HOXD11: variants seen among roughly 807,000 people sequenced by gnomAD.
HOXD11 encodes homeobox D11.
HOXD11 carries 16 observed loss-of-function variants against 23.1 expected under a neutral mutation model. The observed-to-expected ratio is 0.69, with a 90% CI of 0.47 to 1.05. The LOEUF (loss-of-function observed/expected upper bound fraction) is 1.05. HOXD11 is among the 50% of genes least tolerant of loss of function. The probability of loss-of-function intolerance (pLI) is 0.00; values close to 1 mark genes in which losing one functional copy is unlikely to be tolerated. For missense variants in HOXD11, 564 were observed against 495.6 expected, an observed-to-expected ratio of 1.14 and a Z score of -1.31; for synonymous variants, 262 against 224.4, an observed-to-expected ratio of 1.17 and a Z score of -1.50.
At chr2:176,111,826 CAAAAAAAAA>C (rs1176283938), downstream of HOXD11, among the ~76,000 whole-genome samples, 2 of 22,740 alleles carry the variant, frequency 8.8e-5, no homozygotes, top group Admixed American at 7.1e-4. Flanking sequence ...CTCCCCCCCG[CAAAAAAAAA>C]AAAAAAAAAA....
Position 176,109,317 on chromosome 2 carries a change from AGGCCGGGACTT to A in HOXD11, c.*181_*191del, listed in dbSNP as rs1689642693. ...CAGCGACCACTGCAGCCTGCGGACG[AGGCCGGGACTT>A]GGCCGAGCGGATCCTAATAAGGGGA... On this transcript the variant is annotated 3_prime_UTR_variant, in exon 2 of 2. Coordinates refer to ENST00000249504, the MANE Select transcript of HOXD11 (RefSeq NM_021192.3). 2 of 601,634 alleles carry A rather than the reference AGGCCGGGACTT, an allele frequency of 3.3e-6. No individual in the cohort carries two copies. The highest frequency in any genetic ancestry group is 5.9e-6 in the Non-Finnish European group (2 of 337,940). The allele number at this position is 601,634 out of a possible 1,614,324, so 37.3% of individuals were successfully genotyped here.
chr2:176,115,042 G>A, the HOXD11 span, among the ~76,000 whole-genome samples: 1 of 152,400 alleles, frequency 6.6e-6, no homozygotes, highest in Non-Finnish European at 1.5e-5. Context: ...CTGCCCCGAG[G>A]CCCGGGCTTC....
chr2:176,107,702 C>T lies in HOXD11; in HGVS notation c.347C>T (p.Ala116Val). Residue 116 changes from alanine (A) to valine (V), a missense_variant, in exon 1 of 2, where the codon GCG becomes GTG. By Grantham distance (64) the Ala-to-Val change is moderately conservative. Transcript: ENST00000249504. Reference sequence around the variant, plus strand: ...GCGGCGGCGGCGGCGGCGGCTGCGGCGGCCGCGGCGGCCGAGGAGGCGGCC... The same window carrying T: ...GCGGCGGCGGCGGCGGCGGCTGCGGTGGCCGCGGCGGCCGAGGAGGCGGCC... Reference protein sequence around the residue: ...YYAAAAAAAAAAAAAEEAAMQ... With the variant: ...YYAAAAAAAAVAAAAEEAAMQ... 3 of 1,031,876 alleles carry T rather than the reference C, an allele frequency of 2.9e-6. No individual in the cohort carries two copies. The South Asian group carries it at 1.3e-4, about 46-fold the overall frequency. 63.9% of individuals were successfully genotyped at this position (1,031,876 alleles called of 1,614,324 possible).
chr2:176,107,981 A>G lies in HOXD11; in HGVS notation c.626A>G (p.Asp209Gly), dbSNP rs1366470531. ...CCGCCACAGCCCGAGGGCGCAGCCG[A>G]CAAGGGCGACCCCAGGACCGGGGCT... ...PAPPQPEGAA[D>G]KGDPRTGAGG... Residue 209 changes from aspartate to glycine, a missense_variant, in exon 1 of 2, where the codon GAC (aspartate) becomes GGC (glycine). Physicochemically the swap from Asp to Gly is moderately conservative, Grantham distance 94 (BLOSUM62 -1). Coordinates refer to ENST00000249504, the MANE Select transcript of HOXD11 (RefSeq NM_021192.3). 2.8e-6 allele frequency: 4 copies of G among 1,453,238 alleles called. No individual in the cohort carries two copies. The South Asian group carries it at 4.1e-5, about 15-fold the overall frequency. The allele number at this position is 1,453,238 out of a possible 1,614,324, so 90.0% of individuals were successfully genotyped here.
chr2:176,113,238 C>T (rs995836973), downstream of HOXD11, among the ~76,000 whole-genome samples: 5 of 152,302 alleles, frequency 3.3e-5, no homozygotes, highest in Middle Eastern at 6.8e-3. Context: ...TGGCTCAGAA[C>T]CCTAATCCGG....
rs114956387 is a variant in HOXD11, at chr2:176,109,453, A to G, written c.*311A>G. On this transcript the variant is annotated 3_prime_UTR_variant, in exon 2 of 2. Transcript: ENST00000249504. ...CTCGTGGGGACACGGCGGGGTCTGT[A>G]GGAAGTTGGGCCGGGTTGGGGGTTG... 615 of 344,206 alleles carry G rather than the reference A, an allele frequency of 1.8e-3. 4 individuals are homozygous for G. The highest frequency in any genetic ancestry group is 0.011 in the African/African-American group (539 of 48,764). 21.3% of individuals were successfully genotyped at this position (344,206 alleles called of 1,614,324 possible).
At chr2:176,112,906 C>T (rs367667852), downstream of HOXD11, among the ~76,000 whole-genome samples, 1 of 152,222 alleles carries the variant, frequency 6.6e-6, no homozygotes, top group Non-Finnish European at 1.5e-5. Context: ...CTCTCCCCAC[C>T]CCCATCTTAC....
downstream of HOXD11, among the ~76,000 whole-genome samples, chr2:176,111,836 A>AG (rs1689678199): frequency 6.8e-6 from 1 of 147,394 alleles, no homozygotes; most frequent in Non-Finnish European, 1.5e-5. Flanking sequence ...CAAAAAAAAA[A>AG]AAAAAAAAAA....
At chr2:176,108,176 C>G (rs1689613750) in intron 1 of HOXD11, 40 bp downstream of exon 1, 9 of 99,006 alleles carry the variant, frequency 9.1e-5, no homozygotes, top group Non-Finnish European at 9.1e-5. Context: ...GCCCGGGGGC[C>G]GCGGGGGAGG....
chr2:176,115,644 T>C, the HOXD11 span, among the ~76,000 whole-genome samples: 1 of 152,234 alleles, frequency 6.6e-6, no homozygotes, highest in Non-Finnish European at 1.5e-5. Flanking sequence ...TTCTTCTTAA[T>C]ATGTATTAAT....
At chr2:176,108,487 G>A (rs988774022) in intron 1 of HOXD11, among the ~76,000 whole-genome samples, 1 of 151,832 alleles carries the variant, frequency 6.6e-6, no homozygotes, top group Non-Finnish European at 1.5e-5. Context: ...GAGGCGGGGG[G>A]TGGGGAAGTG....
the HOXD11 span, among the ~76,000 whole-genome samples, chr2:176,114,769 A>G: frequency 7.2e-5 from 11 of 152,332 alleles, no homozygotes; most frequent in Middle Eastern, 3.4e-3. Flanking sequence ...GAAATGTTCT[A>G]TTGAGGTGGA....
chr2:176,107,313 C>A lies in HOXD11; in HGVS notation c.-43C>A. ...CAATCGATGGCTCAGGTTGGCTGCGCGGGGAGCGGCCAGAGGCTCGCTGGC... is the reference window on the plus strand; with the variant it reads ...CAATCGATGGCTCAGGTTGGCTGCGAGGGGAGCGGCCAGAGGCTCGCTGGC... On this transcript the variant is annotated 5_prime_UTR_variant, in exon 1 of 2. Coordinates refer to ENST00000249504, the MANE Select transcript of HOXD11 (RefSeq NM_021192.3). 1 of 1,567,752 alleles carries A rather than the reference C, an allele frequency of 6.4e-7. No individual in the cohort carries two copies. Among genetic ancestry groups the A allele is most frequent in the South Asian group, 1.2e-5 (1 of 86,272 alleles).
chr2:176,115,122 T>C, the HOXD11 span, among the ~76,000 whole-genome samples: 1 of 150,958 alleles, frequency 6.6e-6, no homozygotes, highest in African/African-American at 2.5e-5. Flanking sequence ...CATAAAACTC[T>C]GAGTTTCCAT....
chr2:176,108,088 G>A lies in HOXD11; in HGVS notation c.733G>A (p.Gly245Ser). The A allele has an allele frequency of 6.1e-6, 9 of 1,472,646 alleles. No homozygotes were observed. Among genetic ancestry groups the A allele is most frequent in the Admixed American group, 2.3e-5 (1 of 43,108 alleles). The allele number at this position is 1,472,646 out of a possible 1,614,324, so 91.2% of individuals were successfully genotyped here. A position where few individuals can be genotyped will look rare whatever the true frequency, so the allele number is the denominator to read the frequency against. ...GGCAGCAGAAGGCAGCGGTGGCGAC[G>A]GCGAGGGCCCCCCGGGAGAGGCGGG... Reference protein sequence around the residue: ...KGAAEGSGGDGEGPPGEAGAE... With the variant: ...KGAAEGSGGDSEGPPGEAGAE... The change falls in exon 1 of 2, where the codon GGC (glycine) becomes AGC (serine). Residue 245 changes from glycine to serine, a missense_variant. Transcript: ENST00000249504.
At chr2:176,108,313 A>C (rs1264018435) in intron 1 of HOXD11, among the ~76,000 whole-genome samples, 177 bp downstream of exon 1, 4 of 151,108 alleles carry the variant, frequency 2.6e-5, no homozygotes, top group Non-Finnish European at 4.4e-5. Flanking sequence ...TAGGAAACCA[A>C]TTTAGGTGGG....
In HOXD11 at chr2:176,109,315, C is replaced by A. The variant is rs917556912; in HGVS notation, c.*173C>A. On this transcript the variant is annotated 3_prime_UTR_variant, in exon 2 of 2. Transcript: ENST00000249504. ...CCCAGCGACCACTGCAGCCTGCGGA[C>A]GAGGCCGGGACTTGGCCGAGCGGAT... 6.5e-5 allele frequency: 39 copies of A among 603,082 alleles called. No individual in the cohort carries two copies. In the South Asian group the frequency reaches 7.2e-4, roughly 11 times the overall value. The allele number at this position is 603,082 out of a possible 1,614,324, so 37.4% of individuals were successfully genotyped here.
At chr2:176,114,500 AGGTTTAAAAGGTCTGTCTC>A (rs1185773149), downstream of HOXD11, among the ~76,000 whole-genome samples, 1 of 152,106 alleles carries the variant, frequency 6.6e-6, no homozygotes, top group East Asian at 1.9e-4. Flanking sequence ...AGCTGCGTAA[AGGTTTAAAAGGTCTGTCTC>A]ATTGCCACCG....
At chr2:176,110,495 A>G (rs763259477), downstream of HOXD11, among the ~76,000 whole-genome samples, 2 of 152,232 alleles carry the variant, frequency 1.3e-5, no homozygotes, top group Non-Finnish European at 2.9e-5. Context: ...ATATAAATCT[A>G]TAAATGCACA....
Sources: gnomAD v4.1 joint callset for allele counts (sites outside exome capture counted in the v4.1 genomes callset) on GRCh38, gnomAD v4.1.1 for gene constraint, MANE v1.5 for transcripts, NCBI Gene and HGNC (gene_info 2026-07-23, HGNC 2026-07-21) for gene names.